Variants in FBXW10B observed in about 807,000 individuals in gnomAD.
The protein encoded by FBXW10B is F-box and WD repeat domain containing protein 10B.
chr17:15,598,680 G>A, the FBXW10B span: 476 of 1,600,630 alleles, frequency 3.0e-4, 6 homozygotes, highest in Non-Finnish European at 3.9e-4. Flanking sequence ...AAAAGAATGT[G>A]AGAGTTCCTG....
chr17:15,573,807 A>G, the FBXW10B span: 1 of 261,020 alleles, frequency 3.8e-6, no homozygotes, highest in Non-Finnish European at 7.2e-6. Context: ...AAATAGTTAC[A>G]GTAAAAACCC....
the FBXW10B span, chr17:15,588,693 T>C: frequency 1.6e-6 from 1 of 641,620 alleles, no homozygotes; most frequent in South Asian, 1.9e-5. Context: ...TTATTGTAAG[T>C]TTGTTTCATA....
At chr17:15,612,749 G>C in the FBXW10B span, 13 of 1,613,612 alleles carry the variant, frequency 8.1e-6, no homozygotes, top group African/African-American at 1.7e-4. Context: ...TGCTCTTCCC[G>C]TCATCTACCA....
At chr17:15,596,497 G>A in the FBXW10B span, 3 of 1,557,586 alleles carry the variant, frequency 1.9e-6, no homozygotes, top group Admixed American at 3.6e-5. Context: ...CGCCAAGGTA[G>A]CCCACTGCCC....
chr17:15,617,194 CT>C, the FBXW10B span, among the ~76,000 whole-genome samples: 3 of 152,206 alleles, frequency 2.0e-5, no homozygotes, highest in Admixed American at 1.3e-4. Flanking sequence ...TTCCATACCC[CT>C]GACACACCAA....
the FBXW10B span, chr17:15,598,670 A>C: frequency 2.5e-6 from 4 of 1,607,220 alleles, no homozygotes; most frequent in Non-Finnish European, 3.4e-6. Flanking sequence ...GAATCAGGCC[A>C]AAAGAATGTG....
the FBXW10B span, among the ~76,000 whole-genome samples, chr17:15,598,246 G>T: frequency 6.6e-6 from 1 of 151,998 alleles, no homozygotes; most frequent in South Asian, 2.1e-4. Flanking sequence ...GCCCTTTGAA[G>T]AAATAAAAAG....
chr17:15,598,862 AT>A, the FBXW10B span: 1 of 953,782 alleles, frequency 1.0e-6, no homozygotes, highest in Non-Finnish European at 1.5e-6. Context: ...TCCTTTCCTC[AT>A]TGATAAAATG....
chr17:15,577,208 A>T, the FBXW10B span, among the ~76,000 whole-genome samples: 1 of 152,200 alleles, frequency 6.6e-6, no homozygotes, highest in South Asian at 2.1e-4. Context: ...GGCAGGAAGA[A>T]CAAATTTGGC....
the FBXW10B span, chr17:15,607,590 G>T: frequency 6.2e-7 from 1 of 1,613,670 alleles, no homozygotes; most frequent in Non-Finnish European, 8.5e-7. Context: ...GAGAGAATGC[G>T]AACATTGTAG....
the FBXW10B span, among the ~76,000 whole-genome samples, chr17:15,589,444 C>T: frequency 1.3e-5 from 2 of 151,810 alleles, no homozygotes; most frequent in African/African-American, 4.9e-5. Flanking sequence ...GTACCTGGAG[C>T]TGGCCTCCAG....
the FBXW10B span, among the ~76,000 whole-genome samples, chr17:15,613,331 G>C: frequency 6.9e-6 from 1 of 145,758 alleles, no homozygotes; most frequent in Admixed American, 6.8e-5. Context: ...AACTCCCTGG[G>C]GGCTGGGGGT....
the FBXW10B span, chr17:15,571,524 A>G: frequency 6.6e-6 from 1 of 152,332 alleles, no homozygotes; most frequent in South Asian, 2.1e-4. Flanking sequence ...ACAACAATAC[A>G]GTGCTGACAA....
At chr17:15,587,766 T>C in the FBXW10B span, among the ~76,000 whole-genome samples, 1 of 152,062 alleles carries the variant, frequency 6.6e-6, no homozygotes, top group Admixed American at 6.5e-5. Flanking sequence ...AAAGTCTGCC[T>C]CTCTAGGGAG....
chr17:15,614,251 C>G, the FBXW10B span, among the ~76,000 whole-genome samples: 1 of 151,992 alleles, frequency 6.6e-6, no homozygotes, highest in African/African-American at 2.4e-5. Context: ...TGTAGTGGCG[C>G]GATCTCGGCT....
chr17:15,613,348 C>T, the FBXW10B span, among the ~76,000 whole-genome samples: 2 of 143,718 alleles, frequency 1.4e-5, no homozygotes, highest in Admixed American at 6.9e-5. Context: ...GGGTTCTCTG[C>T]TTTGTGAGGT....
chr17:15,604,195 T>C, the FBXW10B span, among the ~76,000 whole-genome samples: 1 of 151,852 alleles, frequency 6.6e-6, no homozygotes, highest in Non-Finnish European at 1.5e-5. Flanking sequence ...AATAAGTTAA[T>C]TACTGCCACC....
chr17:15,609,808 C>T, the FBXW10B span, among the ~76,000 whole-genome samples: 4 of 151,232 alleles, frequency 2.6e-5, no homozygotes, highest in African/African-American at 9.7e-5. Flanking sequence ...TACTGTTTCA[C>T]CTGCTTCTCT....
At chr17:15,580,478 A>G in the FBXW10B span, among the ~76,000 whole-genome samples, 28,104 of 136,390 alleles carry the variant, frequency 0.21, 3,086 homozygotes, top group Middle Eastern at 0.26. Flanking sequence ...TCAATATACC[A>G]CTTTTTGTAA....
Sources: allele counts gnomAD v4.1 joint callset (sites outside exome capture counted in the v4.1 genomes callset), GRCh38; gene constraint gnomAD v4.1.1; transcripts MANE v1.5; gene names NCBI Gene and HGNC (gene_info 2026-07-23, HGNC 2026-07-21).